Variants in RAD51B observed in about 807,000 individuals in gnomAD.
RAD51B encodes DNA repair protein RAD51 homolog 2.
Under a neutral mutation model 42.2 loss-of-function variants are expected in RAD51B, and 38 were observed. The observed-to-expected ratio is 0.90, with a 90% CI of 0.70 to 1.18. RAD51B has a LOEUF of 1.18. Among genes scored for constraint, RAD51B ranks in the 50% most tolerant of loss-of-function variants. RAD51B has a pLI of 0.00. For missense variants in RAD51B, 373 were observed against 400.7 expected (o/e 0.93, Z 0.59); for synonymous variants, 154 against 145.2 (o/e 1.06, Z -0.43).
chr14:68,137,816 C>T (rs1023290171), intron 7 of RAD51B, among the ~76,000 whole-genome samples: 8 of 152,190 alleles, frequency 5.3e-5, no homozygotes, highest in Non-Finnish European at 1.0e-4. Context: ...GGGCCTTCTT[C>T]GTTGCCCTGA....
intron 10 of RAD51B, among the ~76,000 whole-genome samples, chr14:68,564,878 A>G (rs1434566768): frequency 6.6e-6 from 1 of 152,204 alleles, no homozygotes; most frequent in African/African-American, 2.4e-5. Flanking sequence ...TCAGAGCACC[A>G]GTGTTTGGGA....
chr14:67,961,705 C>G (rs1193435098), intron 7 of RAD51B, among the ~76,000 whole-genome samples: 4 of 152,138 alleles, frequency 2.6e-5, no homozygotes, highest in African/African-American at 9.7e-5. Flanking sequence ...ATCATTTCAT[C>G]TCTTCTTTTC....
intron 8 of RAD51B, among the ~76,000 whole-genome samples, chr14:68,373,298 T>A (rs2083297576): frequency 6.6e-6 from 1 of 152,170 alleles, no homozygotes; most frequent in African/African-American, 2.4e-5. Context: ...GATGAAAACA[T>A]AGAGGCCAGA....
At chr14:68,250,416 G>T (rs1035999821) in intron 7 of RAD51B, among the ~76,000 whole-genome samples, 1 of 152,164 alleles carries the variant, frequency 6.6e-6, no homozygotes, top group Non-Finnish European at 1.5e-5. Flanking sequence ...GAGTCAAGAA[G>T]CTTAATTTTC....
At chr14:68,084,710 G>T (rs996247697) in intron 7 of RAD51B, among the ~76,000 whole-genome samples, 2 of 152,210 alleles carry the variant, frequency 1.3e-5, no homozygotes, top group African/African-American at 4.8e-5. Context: ...AAACAGCAAA[G>T]GTAACCCTTG....
intron 10 of RAD51B, among the ~76,000 whole-genome samples, chr14:68,636,914 G>A (rs527623138): frequency 6.6e-5 from 10 of 152,312 alleles, no homozygotes; most frequent in South Asian, 6.2e-4. Flanking sequence ...AGAGCCCTTC[G>A]TTGACCACCT....
intron 10 of RAD51B, among the ~76,000 whole-genome samples, chr14:68,515,830 T>G (rs369931019): frequency 2.0e-5 from 3 of 146,526 alleles, no homozygotes; most frequent in African/African-American, 7.6e-5. Context: ...CAGGCTGGAG[T>G]GCTGGAGTGC....
chr14:68,101,028 A>T (rs938799443), intron 7 of RAD51B, among the ~76,000 whole-genome samples: 13 of 152,216 alleles, frequency 8.5e-5, no homozygotes, highest in African/African-American at 3.1e-4. Flanking sequence ...CCTTCTTCAC[A>T]TGGTGGCAGG....
In RAD51B at chr14:67,886,138, G is replaced by A. The variant is rs1320581889; in HGVS notation, c.572+150G>A. 5.1e-6 allele frequency: 3 copies of A among 585,178 alleles called. No homozygotes were observed. In the African/African-American group the frequency reaches 5.7e-5, roughly 11 times the overall value. 36.2% of individuals were successfully genotyped at this position (585,178 alleles called of 1,614,324 possible). ...TGTTCTTCTTTGTTATAGCCTTTTG[G>A]TTGAAGTCTTTCTTGAAAAACAAAA... On this transcript the variant is annotated intron_variant, in intron 6 of 10. Transcript: ENST00000471583.
At chr14:68,111,339 G>A (rs2077456278) in intron 7 of RAD51B, among the ~76,000 whole-genome samples, 1 of 152,062 alleles carries the variant, frequency 6.6e-6, no homozygotes, top group Non-Finnish European at 1.5e-5. Flanking sequence ...AGAAAGAGCT[G>A]TCAGAAACTG....
chr14:68,096,195 G>T (rs1566641863), intron 7 of RAD51B, among the ~76,000 whole-genome samples: 1 of 152,096 alleles, frequency 6.6e-6, no homozygotes, highest in African/African-American at 2.4e-5. Context: ...CTTTGAAGAG[G>T]ATTTTAACCC....
At chr14:68,058,210 GTTTA>G (rs1443966006) in intron 7 of RAD51B, among the ~76,000 whole-genome samples, 1 of 152,042 alleles carries the variant, frequency 6.6e-6, no homozygotes, top group Non-Finnish European at 1.5e-5. Context: ...AGTATAATCT[GTTTA>G]TTTATTCACA....
intron 11 of RAD51B, among the ~76,000 whole-genome samples, chr14:68,667,635 A>G (rs890754510): frequency 1.3e-5 from 2 of 152,238 alleles, no homozygotes; most frequent in African/African-American, 4.8e-5. Flanking sequence ...ACACTAAGGT[A>G]GACACTGCAA....
chr14:68,599,714 G>T (rs1332496395), downstream of RAD51B, among the ~76,000 whole-genome samples: 3 of 152,182 alleles, frequency 2.0e-5, no homozygotes, highest in African/African-American at 4.8e-5. Flanking sequence ...ACATGCTGGT[G>T]TTGGCCTTCT....
At chr14:67,986,792 C>T (rs375143047) in intron 7 of RAD51B, among the ~76,000 whole-genome samples, 6 of 152,128 alleles carry the variant, frequency 3.9e-5, no homozygotes, top group East Asian at 1.9e-4. Context: ...AGTTCAGTGG[C>T]GTGATCTCGA....
At chr14:67,840,491 C>T (rs1355208874) in intron 4 of RAD51B, among the ~76,000 whole-genome samples, 1 of 152,176 alleles carries the variant, frequency 6.6e-6, no homozygotes, top group Non-Finnish European at 1.5e-5. Flanking sequence ...TGTAGTAGTC[C>T]ATGGTATATA....
intron 10 of RAD51B, chr14:68,627,281 A>G (rs1892107076): frequency 6.6e-6 from 1 of 152,238 alleles, no homozygotes; most frequent in South Asian, 2.1e-4. Flanking sequence ...AAGGTTGGTA[A>G]GGGAGCTTCT....
rs947804483 is a variant in RAD51B, at chr14:68,561,656, C to T, written c.1037-32829C>T. Among the ~76,000 whole-genome samples, 9 of 152,294 alleles carry T rather than the reference C, an allele frequency of 5.9e-5. No homozygotes were observed. The South Asian group carries it at 8.3e-4, about 14-fold the overall frequency. On this transcript the variant is annotated intron_variant, in intron 10 of 10. Transcript: ENST00000487270. ...GCAGCGTGAGGGTTCCACGTGGCAACGCTGCTGGAGAGATGTTTACATCTG... is the reference window on the plus strand; with the variant it reads ...GCAGCGTGAGGGTTCCACGTGGCAATGCTGCTGGAGAGATGTTTACATCTG...
chr14:68,147,820 G>A (rs182721249), intron 7 of RAD51B, among the ~76,000 whole-genome samples: 4 of 141,154 alleles, frequency 2.8e-5, no homozygotes, highest in Admixed American at 2.1e-4. Context: ...AAAAAAAAGA[G>A]CTTTATTGAG....
Sources: gnomAD v4.1 joint callset for allele counts (sites outside exome capture counted in the v4.1 genomes callset) on GRCh38, gnomAD v4.1.1 for gene constraint, MANE v1.5 for transcripts, NCBI Gene and HGNC (gene_info 2026-07-23, HGNC 2026-07-21) for gene names.